ZNF442: variants seen among roughly 807,000 people sequenced by gnomAD.
ZNF442 encodes zinc finger protein 442.
Under a neutral mutation model 57.0 loss-of-function variants are expected in ZNF442, and 45 were observed. The ratio of observed to expected loss-of-function variants is 0.79; its 90% CI spans 0.62 to 1.01. ZNF442 has a LOEUF of 1.01. Ranked by LOEUF, ZNF442 falls within the 50% of genes least tolerant of loss-of-function variation. ZNF442 has a pLI of 0.00. For missense variants in ZNF442, 690 were observed against 756.5 expected (o/e 0.91, Z 1.03); for synonymous variants, 213 against 241.8 (o/e 0.88, Z 1.10).
At position 12,351,141 on chromosome 19, in the gene ZNF442, A is replaced by G. The variant is rs1238097745; in HGVS notation, c.444T>C (p.Tyr148=). 6.2e-7 allele frequency: 1 copy of G among 1,614,016 alleles called. No individual in the cohort carries two copies. Among genetic ancestry groups the G allele is most frequent in the Non-Finnish European group, 8.5e-7 (1 of 1,180,028 alleles). The change falls in exon 6 of 6, where the codon TAT becomes TAC. Residue 148 remains tyrosine, a synonymous_variant. Coordinates refer to ENST00000242804, the MANE Select transcript of ZNF442 (RefSeq NM_030824.3). ...GTTTATGTGTATGTGGCTTCTCTCC[A>G]TATTCCTGACACTCATCTGGTTTGT... ...AGHKPDECQE[Y]GEKPHTHKQC...
Position 12,346,817 on chromosome 19 carries a change from G to A in ZNF442, c.*2884C>T, listed in dbSNP as rs942323051. ...TACCACATGGATAAACCTTGAAAAC[G>A]TTCTAAGTGAAATAAGCCAGACATG... On this transcript the variant is annotated 3_prime_UTR_variant, in exon 6 of 6. Transcript: ENST00000242804. 3.3e-5 allele frequency: 5 copies of A among 152,168 alleles called. No individual in the cohort carries two copies. Among genetic ancestry groups the A allele is most frequent in the African/African-American group, 7.2e-5 (3 of 41,442 alleles). 9.4% of individuals were successfully genotyped at this position (152,168 alleles called of 1,614,324 possible).
chr19:12,351,588 C>A (rs1969239630), intron 5 of ZNF442, among the ~76,000 whole-genome samples: 1 of 152,188 alleles, frequency 6.6e-6, no homozygotes, highest in Admixed American at 6.5e-5. Context: ...TCACTGCAAC[C>A]TCCGCCTCCC....
In ZNF442 at chr19:12,351,039, A is replaced by G; in HGVS notation, c.546T>C (p.Asp182=). 1.2e-6 allele frequency: 2 copies of G among 1,614,072 alleles called. No individual in the cohort carries two copies. Among genetic ancestry groups the G allele is most frequent in the Non-Finnish European group, 8.5e-7 (1 of 1,179,974 alleles). ...ERPHTGKKRY[D]CKECGKTFSS... is the part of the protein sequence containing the mutation. Reference sequence around the variant, plus strand: ...TGAAGGTTTTCCCACATTCCTTACAATCATAGCGTTTCTTTCCAGTGTGAG... The same window carrying G: ...TGAAGGTTTTCCCACATTCCTTACAGTCATAGCGTTTCTTTCCAGTGTGAG... Residue 182 remains aspartate, a synonymous_variant, in exon 6 of 6, where the codon GAT becomes GAC. Coordinates refer to ENST00000242804, the MANE Select transcript of ZNF442 (RefSeq NM_030824.3).
At chr19:12,362,489 G>T (rs1213345846) in intron 3 of ZNF442, among the ~76,000 whole-genome samples, 1 of 151,258 alleles carries the variant, frequency 6.6e-6, no homozygotes, top group African/African-American at 2.4e-5. Flanking sequence ...CCCAGCAGCC[G>T]CCCCGTCTGG....
rs1394893094 is a variant in ZNF442 at position 12,351,202 on chromosome 19, G to A, written c.383C>T (p.Ser128Leu). The change falls in exon 6 of 6, where the codon TCA becomes TTA. Residue 128 changes from serine (S) to leucine (L), a missense_variant. By Grantham distance (145) the Ser-to-Leu change is moderately radical (BLOSUM62 -2). Transcript: ENST00000242804. ...AAATGTGATATAGCAATTAAGGAAT[G>A]AACAACCCATGATTTCTCCACACAC... ...SSVCGEIMGC[S>L]FLNCYITFDA... 1 of 1,614,032 alleles carries A rather than the reference G, an allele frequency of 6.2e-7. No homozygotes were observed. The highest frequency in any genetic ancestry group is 8.5e-7 in the Non-Finnish European group (1 of 1,180,026).
intron 3 of ZNF442, among the ~76,000 whole-genome samples, chr19:12,359,219 T>A (rs1237638745): frequency 6.6e-6 from 1 of 152,216 alleles, no homozygotes; most frequent in Non-Finnish European, 1.5e-5. Flanking sequence ...GACAGACTTT[T>A]TAATTTGTAC....
chr19:12,362,127 C>G (rs1969440290), intron 3 of ZNF442, among the ~76,000 whole-genome samples: 1 of 152,264 alleles, frequency 6.6e-6, no homozygotes, highest in South Asian at 2.1e-4. Context: ...ATTGCAGCCT[C>G]TGCCTGGCTG....
chr19:12,355,303 AAAAG>A (rs1164592042), intron 3 of ZNF442, among the ~76,000 whole-genome samples: 1 of 151,260 alleles, frequency 6.6e-6, no homozygotes, highest in African/African-American at 2.4e-5. Context: ...AAAAAAAAAA[AAAAG>A]AAAGACAAAA....
intron 3 of ZNF442, among the ~76,000 whole-genome samples, chr19:12,362,001 C>T (rs538526359): frequency 2.0e-5 from 3 of 152,318 alleles, no homozygotes; most frequent in South Asian, 2.1e-4. Context: ...GGATTGCAGA[C>T]GGAGTCTCGT....
At chr19:12,351,812 A>T in intron 5 of ZNF442, 198 bp downstream of exon 5, 2 of 519,412 alleles carry the variant, frequency 3.9e-6, no homozygotes, top group Non-Finnish European at 6.6e-6. Flanking sequence ...CGAATTCTTA[A>T]TATTGTTTCT....
At chr19:12,362,362 C>T (rs1425990716) in intron 3 of ZNF442, among the ~76,000 whole-genome samples, 3 of 152,052 alleles carry the variant, frequency 2.0e-5, no homozygotes, top group Admixed American at 6.5e-5. Flanking sequence ...AGCGCCTCTG[C>T]CCAGCGGCGA....
upstream of ZNF442, among the ~76,000 whole-genome samples, chr19:12,369,259 G>T (rs1031373343): frequency 1.2e-4 from 19 of 152,204 alleles, 1 homozygote; most frequent in African/African-American, 3.6e-4. Flanking sequence ...GGGGAAGTTT[G>T]TAATATGGGT....
In ZNF442 at chr19:12,350,366, A is replaced by C; in HGVS notation, c.1219T>G (p.Cys407Gly). The change falls in exon 6 of 6, where the codon TGC (cysteine) becomes GGC (glycine). Residue 407 changes from cysteine to glycine, a missense_variant. Coordinates refer to ENST00000242804, the MANE Select transcript of ZNF442 (RefSeq NM_030824.3). ...ATGAAGGCTTTCCCACATACCTTGCATTTGTGAGGTCCATCTCCAGTGTGC... is the reference window on the plus strand; with the variant it reads ...ATGAAGGCTTTCCCACATACCTTGCCTTTGTGAGGTCCATCTCCAGTGTGC... ...IMHTGDGPHK[C>G]KVCGKAFIYP... 1 of 1,613,920 alleles carries C rather than the reference A, an allele frequency of 6.2e-7. No individual in the cohort carries two copies. Among genetic ancestry groups the C allele is most frequent in the Non-Finnish European group, 8.5e-7 (1 of 1,180,028 alleles).
At chr19:12,365,268 A>G (rs112633704) in intron 1 of ZNF442, 25 bp from the exon 2 acceptor site, 5,433 of 183,276 alleles carry the variant, frequency 0.03, 330 homozygotes, top group African/African-American at 0.12. Context: ...AGCTGTGGGC[A>G]TGGAGCTGCC....
At chr19:12,353,687 AG>A (rs1969280626) in intron 3 of ZNF442, among the ~76,000 whole-genome samples, 1 of 152,196 alleles carries the variant, frequency 6.6e-6, no homozygotes, top group Non-Finnish European at 1.5e-5. Context: ...AGCCAATGCT[AG>A]GTTTGAATGT....
intron 2 of ZNF442, among the ~76,000 whole-genome samples, chr19:12,364,081 C>T (rs1416239096): frequency 1.3e-5 from 2 of 152,080 alleles, no homozygotes; most frequent in Non-Finnish European, 2.9e-5. Flanking sequence ...TTCTCTGCTT[C>T]CTCACATGTG....
chr19:12,370,476 G>A (rs1969571815), upstream of ZNF442, among the ~76,000 whole-genome samples: 1 of 151,924 alleles, frequency 6.6e-6, no homozygotes, highest in East Asian at 1.9e-4. Context: ...GTCTGGTACC[G>A]ATCCATGGCC....
Position 12,349,878 on chromosome 19 carries a change from C to A in ZNF442, c.1707G>T (p.Lys569Asn), listed in dbSNP as rs557920421. 1.3e-3 allele frequency: 2,044 copies of A among 1,613,686 alleles called. 47 individuals carry two copies. In the South Asian group the frequency reaches 0.021, roughly 17 times the overall value. The change falls in exon 6 of 6, where the codon AAG (lysine) becomes AAT (asparagine). Residue 569 changes from lysine to asparagine, a missense_variant. Physicochemically the swap from Lys to Asn is moderately conservative, Grantham distance 94 (BLOSUM62 0). Transcript: ENST00000242804. ...LLRHERIHTG[K>N]KSYECQQCGK... ...CACATTGTTGACATTCATAAGATTT[C>A]TTTCCAGTGTGAATTCTTTCATGTC...
chr19:12,353,721 T>A (rs1431657271), intron 3 of ZNF442, among the ~76,000 whole-genome samples: 1 of 152,212 alleles, frequency 6.6e-6, no homozygotes, highest in Non-Finnish European at 1.5e-5. Flanking sequence ...AAATGCATGC[T>A]GAAACTTAAT....
Sources: gnomAD v4.1 joint callset for allele counts (sites outside exome capture counted in the v4.1 genomes callset) on GRCh38, gnomAD v4.1.1 for gene constraint, MANE v1.5 for transcripts, NCBI Gene and HGNC (gene_info 2026-07-23, HGNC 2026-07-21) for gene names.